Variants in CD38 observed in about 807,000 individuals in gnomAD.
CD38 encodes the protein ADP-ribosyl cyclase/cyclic ADP-ribose hydrolase 1.
A neutral mutation model predicts 36.3 loss-of-function variants in CD38; 31 were observed. The observed-to-expected ratio is 0.85, with a 90% CI of 0.64 to 1.15. The LOEUF is 1.15. CD38 is among the 50% of genes most tolerant of loss of function. CD38 has a pLI of 0.00. For missense variants in CD38, 380 were observed against 371.9 expected (o/e 1.02, Z -0.18); for synonymous variants, 131 against 135.2 (o/e 0.97, Z 0.22).
chr4:15,800,228 C>G (rs1461843203), intron 1 of CD38, among the ~76,000 whole-genome samples: 1 of 152,116 alleles, frequency 6.6e-6, no homozygotes, highest in Non-Finnish European at 1.5e-5. Context: ...CTAAAATAAA[C>G]CTGTCTTAAC....
chr4:15,786,159 G>C (rs1407116170), intron 1 of CD38, among the ~76,000 whole-genome samples: 4 of 152,184 alleles, frequency 2.6e-5, no homozygotes, highest in Admixed American at 6.5e-5. Context: ...ATTGCAAAGA[G>C]CAAAAGAACA....
At chr4:15,847,982 C>T (rs572030853) in intron 7 of CD38, among the ~76,000 whole-genome samples, 1 of 152,184 alleles carries the variant, frequency 6.6e-6, no homozygotes, top group Admixed American at 6.5e-5. Flanking sequence ...CTCTTCCTTC[C>T]AGAAGCCCAG....
chr4:15,780,178 G>A (rs1333826473), intron 1 of CD38, among the ~76,000 whole-genome samples: 1 of 152,140 alleles, frequency 6.6e-6, no homozygotes. Context: ...GTAAAAGGGA[G>A]AATTATGCAT....
rs2148930262 is a variant in CD38, at chr4:15,848,792, A to G, written c.*190A>G. On this transcript the variant is annotated 3_prime_UTR_variant, in exon 8 of 8. Transcript: ENST00000226279. ...ATATCATCAGCATACCTTTATTGTGATCTATCAATAGTCAAGAAAAATTAT... is the reference window on the plus strand; with the variant it reads ...ATATCATCAGCATACCTTTATTGTGGTCTATCAATAGTCAAGAAAAATTAT... The G allele has an allele frequency of 4.4e-6, 2 of 452,730 alleles. No homozygotes were observed. The highest frequency in any genetic ancestry group is 3.1e-5 in the East Asian group (1 of 31,856). 28.0% of individuals were successfully genotyped at this position (452,730 alleles called of 1,614,324 possible).
In CD38 at chr4:15,823,129, T is replaced by A. The variant is rs184108546; in HGVS notation, c.364-1752T>A. Among the ~76,000 whole-genome samples the A allele has an allele frequency of 2.1e-4, 32 of 152,356 alleles. No individual in the cohort carries two copies. The East Asian group carries it at 6.2e-3, about 29-fold the overall frequency. On this transcript the variant is annotated intron_variant, in intron 2 of 7. Transcript: ENST00000226279. ...GGTGCTTGAGAACTACCTAGCCATA[T>A]GCAGACAATTGAAACTGGACCCCTT...
chr4:15,834,199 A>G lies in CD38; in HGVS notation c.500-18A>G, dbSNP rs1245508197. The G allele has an allele frequency of 2.6e-6, 4 of 1,522,278 alleles. No homozygotes were observed. The highest frequency in any genetic ancestry group is 1.4e-5 in the African/African-American group (1 of 73,008). The allele number at this position is 1,522,278 out of a possible 1,614,324, so 94.3% of individuals were successfully genotyped here. On this transcript the variant is annotated intron_variant, in intron 3 of 7. Transcript: ENST00000226279. ...CTCTCTGTTTTCCACTTTATTTTCTACAAACTATGTCTTTTAGAAATAAAC... is the reference window on the plus strand; with the variant it reads ...CTCTCTGTTTTCCACTTTATTTTCTGCAAACTATGTCTTTTAGAAATAAAC...
chr4:15,786,205 C>A (rs947764048), intron 1 of CD38, among the ~76,000 whole-genome samples: 1 of 152,058 alleles, frequency 6.6e-6, no homozygotes, highest in African/African-American at 2.4e-5. Context: ...AACGGGACGC[C>A]AATGGGTTGC....
rs1313645630 is a variant in CD38 at position 15,851,392 on chromosome 4, G to A, written c.*2790G>A. 6.6e-6 allele frequency: 1 copy of A among 152,068 alleles called. No homozygotes were observed. The allele number at this position is 152,068 out of a possible 1,614,324, so 9.4% of individuals were successfully genotyped here. On this transcript the variant is annotated 3_prime_UTR_variant, in exon 8 of 8. Coordinates refer to ENST00000226279, the MANE Select transcript of CD38 (RefSeq NM_001775.4). Reference sequence around the variant, plus strand: ...TTTACTCGTAAATCTACTACTCCCTGTCTGCCTACTCCATTCTCATTTGCT... The same window carrying A: ...TTTACTCGTAAATCTACTACTCCCTATCTGCCTACTCCATTCTCATTTGCT...
intron 2 of CD38, among the ~76,000 whole-genome samples, chr4:15,822,368 A>C (rs1377195133): frequency 1.3e-5 from 2 of 152,160 alleles, no homozygotes; most frequent in African/African-American, 2.4e-5. Context: ...GAAAGAAATA[A>C]AGTCTTTTCA....
chr4:15,781,911 G>T (rs1722706078), intron 1 of CD38, among the ~76,000 whole-genome samples: 1 of 152,188 alleles, frequency 6.6e-6, no homozygotes, highest in South Asian at 2.1e-4. Context: ...TTTATTGTCT[G>T]CCATGGTTCT....
chr4:15,822,452 C>G (rs1723758502), intron 2 of CD38, among the ~76,000 whole-genome samples: 1 of 152,208 alleles, frequency 6.6e-6, no homozygotes, highest in South Asian at 2.1e-4. Context: ...CGGATCATCT[C>G]AGCCCCAAAG....
intron 1 of CD38, among the ~76,000 whole-genome samples, chr4:15,804,283 C>A (rs1481328412): frequency 6.6e-6 from 1 of 152,142 alleles, no homozygotes. Context: ...TTCCCACCAA[C>A]AGTGTATAAG....
chr4:15,793,834 A>G (rs750900059), intron 1 of CD38, among the ~76,000 whole-genome samples: 6 of 152,230 alleles, frequency 3.9e-5, no homozygotes, highest in Non-Finnish European at 7.3e-5. Flanking sequence ...TAATATATGG[A>G]ATGTGAGAGA....
At chr4:15,825,576 T>C (rs1358604181) in intron 3 of CD38, 1 of 152,270 alleles carries the variant, frequency 6.6e-6, no homozygotes, top group Admixed American at 6.5e-5. Flanking sequence ...CTACCCTTAA[T>C]GGCAACTCAG....
rs1274115279 is a variant in CD38, at chr4:15,852,341, G to A, written c.*3739G>A. On this transcript the variant is annotated 3_prime_UTR_variant, in exon 8 of 8. Coordinates refer to ENST00000226279, the MANE Select transcript of CD38 (RefSeq NM_001775.4). ...CCCATGTCTGCACACTGTGATACAA[G>A]GGGGACAGCATCGACATCGACTTAC... 1 of 152,186 alleles carries A rather than the reference G, an allele frequency of 6.6e-6. No homozygotes were observed. Among genetic ancestry groups the A allele is most frequent in the Admixed American group, 6.5e-5 (1 of 15,272 alleles). 9.4% of individuals were successfully genotyped at this position (152,186 alleles called of 1,614,324 possible). A position where few individuals can be genotyped will look rare whatever the true frequency, so the allele number is the denominator to read the frequency against.
At chr4:15,818,707 G>A (rs1173347264) in intron 2 of CD38, among the ~76,000 whole-genome samples, 1 of 152,122 alleles carries the variant, frequency 6.6e-6, no homozygotes, top group Non-Finnish European at 1.5e-5. Flanking sequence ...ATACCTTCAG[G>A]TGCGGGAGGA....
chr4:15,788,693 T>C (rs1031299050), intron 1 of CD38, among the ~76,000 whole-genome samples: 17 of 152,216 alleles, frequency 1.1e-4, no homozygotes, highest in Non-Finnish European at 2.2e-4. Context: ...GAGTAACAGC[T>C]GAATTTGCCC....
chr4:15,846,986 TG>T, intron 7 of CD38, among the ~76,000 whole-genome samples: 1 of 8,440 alleles, frequency 1.2e-4, no homozygotes, highest in Non-Finnish European at 1.7e-4. Context: ...TCAACCATTG[TG>T]GAAGTCAGTG....
intron 1 of CD38, among the ~76,000 whole-genome samples, chr4:15,792,265 G>T (rs1261056112): frequency 8.7e-6 from 1 of 115,164 alleles, no homozygotes; most frequent in South Asian, 3.0e-4. Context: ...CTAATCTCAA[G>T]TACCCAGGGA....
Sources: allele counts gnomAD v4.1 joint callset (sites outside exome capture counted in the v4.1 genomes callset), GRCh38; gene constraint gnomAD v4.1.1; transcripts MANE v1.5; gene names NCBI Gene and HGNC (gene_info 2026-07-23, HGNC 2026-07-21).